Variants in LPCAT1 observed in about 807,000 individuals in gnomAD.
LPCAT1 encodes lysophosphatidylcholine acyltransferase 1.
Under a neutral mutation model 60.9 loss-of-function variants are expected in LPCAT1, and 23 were observed. That is an observed-to-expected ratio of 0.38 (90% CI 0.27 to 0.53). The LOEUF (loss-of-function observed/expected upper bound fraction) is 0.53, where lower values mean the gene tolerates loss of function less well. Ranked by LOEUF, LPCAT1 falls within the 20% of genes least tolerant of loss-of-function variation. The pLI is 0.82. For synonymous variants in LPCAT1, 340 were observed against 301.1 expected (o/e 1.13, Z -1.34); for missense variants, 622 against 723.6 (o/e 0.86, Z 1.61).
chr5:1,484,982 C>T (rs1339121122), intron 5 of LPCAT1, among the ~76,000 whole-genome samples: 1 of 152,212 alleles, frequency 6.6e-6, no homozygotes, highest in Non-Finnish European at 1.5e-5. Flanking sequence ...GCTCAAGCCC[C>T]AGCTCCAACG....
At chr5:1,470,491 G>A (rs1734621626) in intron 12 of LPCAT1, among the ~76,000 whole-genome samples, 1 of 152,200 alleles carries the variant, frequency 6.6e-6, no homozygotes, top group Non-Finnish European at 1.5e-5. Flanking sequence ...CAGTCTGAGG[G>A]GGAGAGAGGA....
Position 1,521,181 on chromosome 5 carries a change from T to G in LPCAT1, c.135+2529A>C, listed in dbSNP as rs1019032112. Among the ~76,000 whole-genome samples the G allele has an allele frequency of 6.6e-6, 1 of 152,260 alleles. No homozygotes were observed. The highest frequency in any genetic ancestry group is 1.5e-5 in the Non-Finnish European group (1 of 68,052). On this transcript the variant is annotated intron_variant, in intron 1 of 13. Transcript: ENST00000283415. This position sits in a 1 kb window ranked among gnomAD's most constrained non-coding sequence, Gnocchi z 4.3. ...TTTGATACCTCTTTTCAGATCTTAA[T>G]GTGCTGTTTTCTGTCCAAAGAGATA...
intron 2 of LPCAT1, among the ~76,000 whole-genome samples, chr5:1,498,932 C>T (rs377711390): frequency 7.3e-6 from 1 of 137,476 alleles, no homozygotes; most frequent in Non-Finnish European, 1.7e-5. Flanking sequence ...CATATGTACA[C>T]ACATACACAC....
Position 1,521,082 on chromosome 5 carries a change from C to A in LPCAT1, c.135+2628G>T, listed in dbSNP as rs574859992. 1.3e-5 allele frequency among the ~76,000 whole-genome samples: 2 copies of A among 152,010 alleles called. 1 individual carries two copies. The highest frequency in any genetic ancestry group is 1.3e-4 in the Admixed American group (2 of 15,258). ...TAAGATCCTGTACCATACCATTTACCGCTCTCTACTAAATCTATATCCTTG... is the reference window on the plus strand; with the variant it reads ...TAAGATCCTGTACCATACCATTTACAGCTCTCTACTAAATCTATATCCTTG... On this transcript the variant is annotated intron_variant, in intron 1 of 13. Transcript: ENST00000283415. The surrounding 1 kb of genome is among the most constrained non-coding windows in gnomAD (Gnocchi z 4.3).
Position 1,496,564 on chromosome 5 carries a change from G to A in LPCAT1, c.279-1650C>T, listed in dbSNP as rs1226549620. Among the ~76,000 whole-genome samples, 2 of 152,106 alleles carry A rather than the reference G, an allele frequency of 1.3e-5. No individual in the cohort carries two copies. The highest frequency in any genetic ancestry group is 2.4e-5 in the African/African-American group (1 of 41,410). On this transcript the variant is annotated intron_variant, in intron 2 of 13. Transcript: ENST00000283415. This position sits in a 1 kb window ranked among gnomAD's most constrained non-coding sequence, Gnocchi z 4.7. ...GAGCCAGTCTCGGGCAGGTTCAGGG[G>A]CAGGAGAGAGGACAGCAGGAAAAAA... is the stretch of plus-strand genomic sequence containing the variant.
intron 12 of LPCAT1, among the ~76,000 whole-genome samples, chr5:1,469,464 G>A (rs1313041720): frequency 6.6e-6 from 1 of 152,222 alleles, no homozygotes; most frequent in Non-Finnish European, 1.5e-5. Context: ...ATACTTGGTG[G>A]CTCTACAGCA....
At chr5:1,479,739 C>G in intron 7 of LPCAT1, 64 bp from the exon 8 acceptor site, 7 of 1,288,562 alleles carry the variant, frequency 5.4e-6, no homozygotes, top group Non-Finnish European at 7.8e-6. Flanking sequence ...AAATTACTCC[C>G]AATTCTGGGG....
In LPCAT1 at chr5:1,463,909, A is replaced by ACGG. The variant is rs552583254; in HGVS notation, c.1421-77_1421-75dup. On this transcript the variant is annotated intron_variant, in intron 13 of 13. Coordinates refer to ENST00000283415, the MANE Select transcript of LPCAT1 (RefSeq NM_024830.5). ...TCTAGGATTTGGAGGCTCTTTTCCC[A>ACGG]CGGCCCTGGTGGGTGTCCACCTCAC... is the stretch of plus-strand genomic sequence containing the variant. 1.6e-4 allele frequency: 248 copies of ACGG among 1,532,604 alleles called. No homozygotes were observed. In the African/African-American group the frequency reaches 2.9e-3, roughly 18 times the overall value. 94.9% of individuals were successfully genotyped at this position (1,532,604 alleles called of 1,614,324 possible).
chr5:1,492,861 CT>C (rs758796255), intron 3 of LPCAT1, among the ~76,000 whole-genome samples: 8 of 152,272 alleles, frequency 5.3e-5, no homozygotes, highest in Non-Finnish European at 7.3e-5. Context: ...GCCAGCCCCC[CT>C]GTCCAAGGAC....
intron 11 of LPCAT1, among the ~76,000 whole-genome samples, 160 bp from the exon 12 acceptor site, chr5:1,471,084 A>G (rs186310330): frequency 6.6e-6 from 1 of 152,288 alleles, no homozygotes; most frequent in Non-Finnish European, 1.5e-5. Flanking sequence ...CATTCCACCA[A>G]GTGGGTTCTC....
At chr5:1,498,617 C>T (rs1428572182) in intron 2 of LPCAT1, among the ~76,000 whole-genome samples, 8 of 151,964 alleles carry the variant, frequency 5.3e-5, no homozygotes, top group Non-Finnish European at 8.8e-5. Context: ...CCTGTACACA[C>T]GTACACTTGC....
intron 1 of LPCAT1, among the ~76,000 whole-genome samples, chr5:1,504,140 C>A (rs1403246757): frequency 2.6e-5 from 4 of 152,196 alleles, no homozygotes; most frequent in Non-Finnish European, 4.4e-5. Flanking sequence ...TCAGAAATAC[C>A]TTATTTCCTG....
intron 2 of LPCAT1, among the ~76,000 whole-genome samples, chr5:1,497,825 C>A (rs1411778738): frequency 6.6e-6 from 1 of 152,244 alleles, no homozygotes; most frequent in African/African-American, 2.4e-5. Context: ...TGTTCCCACA[C>A]AGAGCATTCA....
rs1226220943 is a variant in LPCAT1 at position 1,502,645 on chromosome 5, G to T, written c.136-1042C>A. On this transcript the variant is annotated intron_variant, in intron 1 of 13. Transcript: ENST00000283415. This position sits in a 1 kb window ranked among gnomAD's most constrained non-coding sequence, Gnocchi z 5.5. ...AGGCGGGCAGGACTCCGTGTAGAGGGGCGGGAGGCTTTGGGTGAGGGGAAA... is the reference window on the plus strand; with the variant it reads ...AGGCGGGCAGGACTCCGTGTAGAGGTGCGGGAGGCTTTGGGTGAGGGGAAA... Among the ~76,000 whole-genome samples the T allele has an allele frequency of 6.6e-6, 1 of 151,944 alleles. No individual in the cohort carries two copies. Among genetic ancestry groups the T allele is most frequent in the Non-Finnish European group, 1.5e-5 (1 of 67,982 alleles).
At chr5:1,463,857 T>G in intron 13 of LPCAT1, 22 bp from the exon 14 acceptor site, 1 of 1,611,982 alleles carries the variant, frequency 6.2e-7, no homozygotes, top group Non-Finnish European at 8.5e-7. Flanking sequence ...AAGGCACCTG[T>G]GGTTATGGAA....
chr5:1,503,759 G>C (rs912877920), intron 1 of LPCAT1, among the ~76,000 whole-genome samples: 2 of 151,600 alleles, frequency 1.3e-5, no homozygotes, highest in Admixed American at 6.6e-5. Flanking sequence ...TGACTTCACT[G>C]TTTTTGTCAA....
At chr5:1,518,059 A>G in intron 1 of LPCAT1, among the ~76,000 whole-genome samples, 1 of 152,246 alleles carries the variant, frequency 6.6e-6, no homozygotes, top group South Asian at 2.1e-4. Flanking sequence ...CGCAGGGCTG[A>G]CGGACGCCTC....
intron 3 of LPCAT1, among the ~76,000 whole-genome samples, chr5:1,493,566 G>A (rs1445273253): frequency 2.0e-5 from 3 of 152,224 alleles, no homozygotes; most frequent in Admixed American, 6.5e-5. Flanking sequence ...CCTCAGCACC[G>A]CCCACTGCCA....
Position 1,466,881 on chromosome 5 carries a change from C to T in LPCAT1, c.1288G>A (p.Ala430Thr), listed in dbSNP as rs1734433692. The T allele has an allele frequency of 1.3e-6, 2 of 1,595,808 alleles. No individual in the cohort carries two copies. The highest frequency in any genetic ancestry group is 2.7e-5 in the African/African-American group (2 of 74,232). Residue 430 changes from alanine (A) to threonine (T), a missense_variant, in exon 13 of 14, where the codon GCG becomes ACG. Around this residue, in one of 3 missense-constraint regions of LPCAT1, gnomAD observed 288 missense variants for 283.6 expected, o/e 1.02. Coordinates refer to ENST00000283415, the MANE Select transcript of LPCAT1 (RefSeq NM_024830.5). ...TIQLAFKMYG[A>T]QEDGSVGEGD... The stretch of plus-strand genomic sequence containing the variant: ...TCGCCGACGCTGCCGTCCTCTTGCG[C>T]TCCGTACATCTGCAAGGCAAACTGG...
Sources: allele counts gnomAD v4.1 joint callset (sites outside exome capture counted in the v4.1 genomes callset), GRCh38; gene constraint gnomAD v4.1.1; regional missense constraint gnomAD v4.1.1; non-coding constraint Gnocchi (gnomAD v3.1); transcripts MANE v1.5; gene names NCBI Gene and HGNC (gene_info 2026-07-23, HGNC 2026-07-21).